FAM227B: variants seen among roughly 807,000 people sequenced by gnomAD.
FAM227B encodes family with sequence similarity 227 member B, also known as protein FAM227B.
Under a neutral mutation model 73.8 loss-of-function variants are expected in FAM227B, and 88 were observed. The ratio of observed to expected loss-of-function variants is 1.19; its 90% CI spans 1.00 to 1.42. FAM227B has a LOEUF of 1.42. FAM227B is among the 40% of genes most tolerant of loss of function. The pLI, the probability that FAM227B is intolerant of heterozygous loss-of-function variation, is 0.00. For synonymous variants in FAM227B, 210 were observed against 190.5 expected, an observed-to-expected ratio of 1.10 and a Z score of -0.84; for missense variants, 632 against 590.9, an observed-to-expected ratio of 1.07 and a Z score of -0.72.
At chr15:49,448,884 C>T (rs2052471106) in intron 11 of FAM227B, among the ~76,000 whole-genome samples, 1 of 151,812 alleles carries the variant, frequency 6.6e-6, no homozygotes, top group Non-Finnish European at 1.5e-5. Context: ...TATTATATTA[C>T]CCTAACAACT....
chr15:49,344,373 A>C (rs750904106), intron 13 of FAM227B: 3 of 152,182 alleles, frequency 2.0e-5, no homozygotes, highest in Non-Finnish European at 2.9e-5. Context: ...TTTTATAATA[A>C]TTATTTTAAT....
At chr15:49,464,578 T>G (rs1015631535) in intron 11 of FAM227B, among the ~76,000 whole-genome samples, 1 of 152,208 alleles carries the variant, frequency 6.6e-6, no homozygotes, top group Non-Finnish European at 1.5e-5. Context: ...TGTATTGAAT[T>G]TTGTAATAAA....
At chr15:49,589,710 G>T in intron 4 of FAM227B, 66 bp downstream of exon 4, 1 of 1,035,512 alleles carries the variant, frequency 9.7e-7, no homozygotes, top group South Asian at 1.4e-5. Flanking sequence ...GCCAAGATTT[G>T]GAGACCAGCC....
intron 11 of FAM227B, among the ~76,000 whole-genome samples, chr15:49,490,922 C>G (rs897676429): frequency 6.6e-6 from 1 of 151,786 alleles, no homozygotes; most frequent in Non-Finnish European, 1.5e-5. Flanking sequence ...TAAATATGAA[C>G]AATTTATATA....
At chr15:49,485,465 G>A (rs1057656) in intron 11 of FAM227B, 1 of 144,584 alleles carries the variant, frequency 6.9e-6, no homozygotes, top group Non-Finnish European at 1.5e-5. Context: ...TTAAGTTTAT[G>A]TTATTTATAA....
chr15:49,354,324 A>C (rs2042713762), intron 13 of FAM227B, among the ~76,000 whole-genome samples: 2 of 152,168 alleles, frequency 1.3e-5, no homozygotes, highest in South Asian at 4.1e-4. Flanking sequence ...CTGCATTTCC[A>C]TCTGAGGTAC....
At chr15:49,439,738 G>A (rs2151830696) in intron 11 of FAM227B, among the ~76,000 whole-genome samples, 1 of 151,836 alleles carries the variant, frequency 6.6e-6, no homozygotes, top group Non-Finnish European at 1.5e-5. Context: ...CAGACAGAGG[G>A]AGGAAACCTT....
rs562952731 is a variant in FAM227B at position 49,560,357 on chromosome 15, T to C, written c.747+7888A>G. 5.3e-5 allele frequency among the ~76,000 whole-genome samples: 8 copies of C among 152,010 alleles called. No individual in the cohort carries two copies. In the South Asian group the frequency reaches 1.5e-3, roughly 28 times the overall value. ...AAATAATTAAGAAAAATGAACAAAGTATCAAAAAAATGGTATTATGTAAAG... is the reference window on the plus strand; with the variant it reads ...AAATAATTAAGAAAAATGAACAAAGCATCAAAAAAATGGTATTATGTAAAG... On this transcript the variant is annotated intron_variant, in intron 9 of 15. Coordinates refer to ENST00000299338, the MANE Select transcript of FAM227B (RefSeq NM_152647.3).
chr15:49,402,066 T>C (rs2048200737), intron 11 of FAM227B, among the ~76,000 whole-genome samples: 1 of 152,092 alleles, frequency 6.6e-6, no homozygotes, highest in Admixed American at 6.5e-5. Flanking sequence ...CAACCACTGA[T>C]TAAATCATAG....
At chr15:49,449,827 G>C (rs1219436879) in intron 11 of FAM227B, among the ~76,000 whole-genome samples, 2 of 151,796 alleles carry the variant, frequency 1.3e-5, no homozygotes, top group Admixed American at 1.3e-4. Context: ...ATGTAAACGA[G>C]ATCAGATATC....
intron 11 of FAM227B, among the ~76,000 whole-genome samples, chr15:49,459,828 T>C (rs1457891725): frequency 6.6e-6 from 1 of 152,108 alleles, no homozygotes; most frequent in Non-Finnish European, 1.5e-5. Flanking sequence ...TCCACATTCA[T>C]CTCTTCCCAA....
At chr15:49,481,622 A>G (rs1275227677) in intron 11 of FAM227B, among the ~76,000 whole-genome samples, 1 of 152,178 alleles carries the variant, frequency 6.6e-6, no homozygotes, top group Non-Finnish European at 1.5e-5. Context: ...TGCAAAATAT[A>G]TGGACGTGTT....
chr15:49,454,718 TC>T (rs1160179334), intron 11 of FAM227B, among the ~76,000 whole-genome samples: 2 of 152,208 alleles, frequency 1.3e-5, no homozygotes, highest in Non-Finnish European at 2.9e-5. Context: ...CAAGCGATTC[TC>T]CTGCCTCAGC....
chr15:49,528,525 A>G (rs910601492), intron 10 of FAM227B, among the ~76,000 whole-genome samples: 5 of 151,904 alleles, frequency 3.3e-5, no homozygotes, highest in African/African-American at 1.2e-4. Flanking sequence ...AACCGTCTGC[A>G]CAGCAAAAGA....
At chr15:49,600,075 T>C (rs1356388934) in intron 3 of FAM227B, among the ~76,000 whole-genome samples, 1 of 152,162 alleles carries the variant, frequency 6.6e-6, no homozygotes, top group Non-Finnish European at 1.5e-5. Context: ...TTGCTTCATA[T>C]ATTTAGGTGT....
At chr15:49,397,944 C>G (rs76074103) in intron 11 of FAM227B, among the ~76,000 whole-genome samples, 29 of 151,850 alleles carry the variant, frequency 1.9e-4, no homozygotes, top group East Asian at 5.8e-4. Flanking sequence ...ATCAACTAAC[C>G]AGCAAAATAA....
intron 11 of FAM227B, chr15:49,424,299 T>C: frequency 6.2e-7 from 1 of 1,613,060 alleles, no homozygotes. Flanking sequence ...TACACTATAA[T>C]GCACAAATGG....
At chr15:49,366,414 G>C (rs1187008254) in intron 13 of FAM227B, 6 of 843,638 alleles carry the variant, frequency 7.1e-6, no homozygotes, top group Non-Finnish European at 1.3e-5. Context: ...CTGCCCCATT[G>C]CACCACAACT....
chr15:49,383,131 TA>T lies in FAM227B; in HGVS notation c.1013-11733del, dbSNP rs572775620. On this transcript the variant is annotated intron_variant, in intron 11 of 15. Coordinates refer to ENST00000299338, the MANE Select transcript of FAM227B (RefSeq NM_152647.3). ...ATGGATTGGAAAATTAAATCTGGAT[TA>T]AAAAAAGCAGAACAATATATAAACT... Among the ~76,000 whole-genome samples the T allele has an allele frequency of 9.9e-5, 15 of 152,132 alleles. No individual in the cohort carries two copies. In the East Asian group the frequency reaches 2.9e-3, roughly 29 times the overall value.
Sources: allele counts gnomAD v4.1 joint callset (sites outside exome capture counted in the v4.1 genomes callset), GRCh38; gene constraint gnomAD v4.1.1; transcripts MANE v1.5; gene names NCBI Gene and HGNC (gene_info 2026-07-23, HGNC 2026-07-21).